JARID2: variants seen among roughly 807,000 people sequenced by gnomAD.
JARID2 encodes the protein jumonji and AT-rich interaction domain containing 2.
JARID2 carries 21 observed loss-of-function variants against 125.6 expected under a neutral mutation model. The observed-to-expected ratio is 0.17, with a 90% confidence interval of 0.12 to 0.24. The LOEUF is 0.24. Among genes scored for constraint, JARID2 ranks in the 10% least tolerant of loss-of-function variants. The pLI is 1.00. For missense variants in JARID2, 1,303 were observed against 1,639.6 expected, an observed-to-expected ratio of 0.79 and a Z score of 3.55; for synonymous variants, 736 against 661.6, an observed-to-expected ratio of 1.11 and a Z score of -1.73.
At chr6:15,300,736 A>T (rs1198581443) in intron 1 of JARID2, among the ~76,000 whole-genome samples, 2 of 149,604 alleles carry the variant, frequency 1.3e-5, no homozygotes. Context: ...AGAGAGAGAG[A>T]GAGAGAGAGA....
chr6:15,481,957 A>G (rs1031481546), intron 5 of JARID2, among the ~76,000 whole-genome samples: 8 of 151,932 alleles, frequency 5.3e-5, no homozygotes, highest in African/African-American at 1.9e-4. Flanking sequence ...TAATCCTGGT[A>G]CTCACCGCTT....
chr6:15,247,658 G>C lies in JARID2; in HGVS notation c.45+1074G>C, dbSNP rs1561743517. 19 of 985,008 alleles carry C rather than the reference G, an allele frequency of 1.9e-5. No homozygotes were observed. In the South Asian group the frequency reaches 7.0e-4, roughly 37 times the overall value. 61.0% of individuals were successfully genotyped at this position (985,008 alleles called of 1,614,324 possible). ...TTTCCCTTTTTGATCATTGTGGTGT[G>C]TGTAATGAGAGATGACCTTCGGGGC... On this transcript the variant is annotated intron_variant, in intron 1 of 17. Transcript: ENST00000341776.
intron 3 of JARID2, among the ~76,000 whole-genome samples, chr6:15,436,556 G>A (rs910542119): frequency 6.6e-6 from 1 of 152,176 alleles, no homozygotes; most frequent in Non-Finnish European, 1.5e-5. Flanking sequence ...ATTTGGGCAA[G>A]AAGGCAGAAG....
At chr6:15,346,570 A>G (rs1253105697) in intron 1 of JARID2, among the ~76,000 whole-genome samples, 2 of 151,652 alleles carry the variant, frequency 1.3e-5, no homozygotes, top group Non-Finnish European at 1.5e-5. Flanking sequence ...CGTTTGGTTG[A>G]TGCATCTGTG....
chr6:15,420,654 T>A (rs2127586825), intron 3 of JARID2, among the ~76,000 whole-genome samples: 1 of 152,340 alleles, frequency 6.6e-6, no homozygotes, highest in East Asian at 1.9e-4. Flanking sequence ...AATTTTTCTC[T>A]GGCTGTGGGA....
chr6:15,316,117 G>T (rs941593060), intron 1 of JARID2, among the ~76,000 whole-genome samples: 8 of 152,040 alleles, frequency 5.3e-5, no homozygotes, highest in African/African-American at 1.9e-4. Flanking sequence ...GTGAAATACA[G>T]ATTCTATGGG....
At chr6:15,511,498 G>A (rs975711758) in intron 13 of JARID2, 97 bp downstream of exon 13, 2 of 816,072 alleles carry the variant, frequency 2.5e-6, no homozygotes, top group Non-Finnish European at 4.2e-6. Flanking sequence ...AGGCAATGAG[G>A]ACACAGCAAA....
chr6:15,346,331 T>A (rs1361039926), intron 1 of JARID2, among the ~76,000 whole-genome samples: 1 of 152,244 alleles, frequency 6.6e-6, no homozygotes, highest in Non-Finnish European at 1.5e-5. Flanking sequence ...TTTTCTTTAC[T>A]GTCTGCTGTT....
chr6:15,379,496 A>C (rs1322142146), intron 2 of JARID2, among the ~76,000 whole-genome samples: 1 of 152,268 alleles, frequency 6.6e-6, no homozygotes, highest in Admixed American at 6.5e-5. Context: ...ATGAGTACAC[A>C]GAATTACACA....
chr6:15,520,696 C>T lies in JARID2; in HGVS notation c.*445C>T. 2.2e-6 allele frequency: 1 copy of T among 452,560 alleles called. No homozygotes were observed. Among genetic ancestry groups the T allele is most frequent in the Non-Finnish European group, 4.5e-6 (1 of 224,430 alleles). The allele number at this position is 452,560 out of a possible 1,614,324, so 28.0% of individuals were successfully genotyped here. A position where few individuals can be genotyped will look rare whatever the true frequency, so the allele number is the denominator to read the frequency against. On this transcript the variant is annotated 3_prime_UTR_variant, in exon 18 of 18. Transcript: ENST00000341776. ...GGGATAGGAGACACACGCGCACACA[C>T]ACACACACACGAAACTTGAAATGGC...
chr6:15,258,741 C>T (rs1277891596), intron 1 of JARID2, among the ~76,000 whole-genome samples: 1 of 152,174 alleles, frequency 6.6e-6, no homozygotes, highest in Non-Finnish European at 1.5e-5. Flanking sequence ...GAGATTGCGC[C>T]ACTGCACTCC....
intron 4 of JARID2, among the ~76,000 whole-genome samples, chr6:15,463,526 GTTCAAGTGA>G (rs1768563281): frequency 6.7e-6 from 1 of 150,304 alleles, no homozygotes; most frequent in African/African-American, 2.5e-5. Flanking sequence ...TGCCTGCTGG[GTTCAAGTGA>G]TTCTCCTGCT....
At chr6:15,259,723 T>G (rs188159462) in intron 1 of JARID2, among the ~76,000 whole-genome samples, 1 of 152,356 alleles carries the variant, frequency 6.6e-6, no homozygotes, top group East Asian at 1.9e-4. Flanking sequence ...TTAACCACTG[T>G]TCAGCCTTCT....
intron 3 of JARID2, among the ~76,000 whole-genome samples, chr6:15,438,292 G>C (rs780705963): frequency 6.6e-6 from 1 of 152,100 alleles, no homozygotes; most frequent in South Asian, 2.1e-4. Flanking sequence ...TGAGGCTGGC[G>C]GAATCGGAAA....
At chr6:15,269,873 T>G (rs1389576024) in intron 1 of JARID2, among the ~76,000 whole-genome samples, 1 of 152,224 alleles carries the variant, frequency 6.6e-6, no homozygotes, top group African/African-American at 2.4e-5. Flanking sequence ...GACTGAAGAT[T>G]GGTAAACATG....
chr6:15,519,330 G>T (rs1190306704), intron 17 of JARID2, among the ~76,000 whole-genome samples: 1 of 152,156 alleles, frequency 6.6e-6, no homozygotes, highest in Non-Finnish European at 1.5e-5. Flanking sequence ...CCTTCCGAAG[G>T]CACCTTTAAC....
At position 15,380,033 on chromosome 6, in the gene JARID2, C is replaced by G. The variant is rs1231164041; in HGVS notation, c.181+5781C>G. ...TAAGTGGATTTTTTTTTTTTTTGGTCGGGGGCCGGGGGTGAGGGGATGGAG... is the reference window on the plus strand; with the variant it reads ...TAAGTGGATTTTTTTTTTTTTTGGTGGGGGGCCGGGGGTGAGGGGATGGAG... On this transcript the variant is annotated intron_variant, in intron 2 of 17. Coordinates refer to ENST00000341776, the MANE Select transcript of JARID2 (RefSeq NM_004973.4). Among the ~76,000 whole-genome samples the G allele has an allele frequency of 2.2e-5, 3 of 135,086 alleles. No homozygotes were observed. In the East Asian group the frequency reaches 6.4e-4, roughly 29 times the overall value. 88.6% of individuals were successfully genotyped at this position (135,086 alleles called of 152,430 possible).
chr6:15,499,443 C>T (rs907869171), intron 7 of JARID2, among the ~76,000 whole-genome samples: 2 of 152,198 alleles, frequency 1.3e-5, no homozygotes, highest in African/African-American at 4.8e-5. Flanking sequence ...TTCAGGTGCT[C>T]TTGCGTTATA....
chr6:15,258,248 G>T (rs1759741391), intron 1 of JARID2, among the ~76,000 whole-genome samples: 1 of 152,208 alleles, frequency 6.6e-6, no homozygotes, highest in African/African-American at 2.4e-5. Context: ...CATTGCCCTT[G>T]TCTGAGGGGC....
Sources: allele counts gnomAD v4.1 joint callset (sites outside exome capture counted in the v4.1 genomes callset), GRCh38; gene constraint gnomAD v4.1.1; transcripts MANE v1.5; gene names NCBI Gene and HGNC (gene_info 2026-07-23, HGNC 2026-07-21).